The following KIAA1549L variants were observed in gnomAD, a reference collection of about 807,000 sequenced individuals.
KIAA1549L encodes the protein KIAA1549 like, also known as UPF0606 protein KIAA1549L.
KIAA1549L carries 88 observed loss-of-function variants against 160.7 expected under a neutral mutation model. The observed-to-expected ratio is 0.55, with a 90% confidence interval of 0.46 to 0.65. The LOEUF is 0.65. Among genes scored for constraint, KIAA1549L ranks in the 30% least tolerant of loss-of-function variants. KIAA1549L has a pLI of 0.00. For missense variants in KIAA1549L, 2,258 were observed against 2,437.5 expected, an observed-to-expected ratio of 0.93 and a Z score of 1.55; for synonymous variants, 950 against 976.7, an observed-to-expected ratio of 0.97 and a Z score of 0.51.
chr11:33,411,269 A>C (rs549629593), intron 1 of KIAA1549L, among the ~76,000 whole-genome samples: 4 of 152,218 alleles, frequency 2.6e-5, no homozygotes, highest in East Asian at 3.9e-4. Flanking sequence ...ATTGGTTTTG[A>C]AATATCTCTT....
At chr11:33,475,712 T>G (rs1204644207) in intron 1 of KIAA1549L, among the ~76,000 whole-genome samples, 1 of 146,528 alleles carries the variant, frequency 6.8e-6, no homozygotes, top group South Asian at 2.1e-4. Context: ...AAAAAAAAAT[T>G]AGCTAGACGT....
intron 1 of KIAA1549L, among the ~76,000 whole-genome samples, chr11:33,402,809 C>T (rs1850529461): frequency 6.6e-6 from 1 of 150,788 alleles, no homozygotes; most frequent in South Asian, 2.1e-4. Flanking sequence ...TCACTCCTGC[C>T]ACCCCCCCTA....
chr11:33,378,026 G>A lies in KIAA1549L; in HGVS notation c.238+1137G>A, dbSNP rs564787807. On this transcript the variant is annotated intron_variant, in intron 1 of 20. Coordinates refer to ENST00000658780, the MANE Select transcript of KIAA1549L (RefSeq NM_012194.3). ...AAAGTTCAGGAATCTTTGGATGTGT[G>A]CCTCAGACTTGAGAAAAACCTCTGA... 2.2e-4 allele frequency among the ~76,000 whole-genome samples: 33 copies of A among 152,312 alleles called. 1 individual carries two copies. The highest frequency in any genetic ancestry group is 7.2e-4 in the African/African-American group (30 of 41,564).
intron 16 of KIAA1549L, among the ~76,000 whole-genome samples, chr11:33,623,468 G>A (rs1387666521): frequency 6.6e-6 from 1 of 152,136 alleles, no homozygotes; most frequent in Non-Finnish European, 1.5e-5. Flanking sequence ...ACCCTGGCTT[G>A]ATATGTTATC....
intron 1 of KIAA1549L, among the ~76,000 whole-genome samples, chr11:33,401,541 T>C (rs1371692485): frequency 1.3e-5 from 2 of 151,684 alleles, no homozygotes; most frequent in Non-Finnish European, 2.9e-5. Context: ...ACTCCTTAAA[T>C]GTGGGTGTGC....
intron 1 of KIAA1549L, among the ~76,000 whole-genome samples, chr11:33,509,062 C>T (rs1853162913): frequency 6.6e-6 from 1 of 152,142 alleles, no homozygotes; most frequent in Non-Finnish European, 1.5e-5. Context: ...GTGACCTTGA[C>T]ATCCTAATAA....
chr11:33,465,179 C>G (rs111239045), intron 1 of KIAA1549L, among the ~76,000 whole-genome samples: 3,438 of 151,764 alleles, frequency 0.023, 120 homozygotes, highest in African/African-American at 0.078. Context: ...CCTCAGCCTC[C>G]CAAGTAGCTG....
At chr11:33,613,641 C>T (rs1850704802) in intron 15 of KIAA1549L, among the ~76,000 whole-genome samples, 1 of 152,106 alleles carries the variant, frequency 6.6e-6, no homozygotes. Context: ...AGGGATCCAC[C>T]CCCATGATCC....
intron 1 of KIAA1549L, among the ~76,000 whole-genome samples, chr11:33,455,450 C>T (rs1851803589): frequency 6.6e-6 from 1 of 152,114 alleles, no homozygotes; most frequent in East Asian, 1.9e-4. Flanking sequence ...AGACAAGATT[C>T]CTGGGGGCTG....
intron 15 of KIAA1549L, among the ~76,000 whole-genome samples, chr11:33,610,305 G>T (rs1370295949): frequency 6.6e-6 from 1 of 152,162 alleles, no homozygotes; most frequent in Admixed American, 6.5e-5. Flanking sequence ...ACATTGTATT[G>T]TTCAATTGTT....
chr11:33,435,678 GTAT>G (rs1851337327), intron 1 of KIAA1549L, among the ~76,000 whole-genome samples: 1 of 146,386 alleles, frequency 6.8e-6, no homozygotes, highest in Admixed American at 6.9e-5. Context: ...TCAGTCCTGA[GTAT>G]TATCTAATTT....
intron 16 of KIAA1549L, among the ~76,000 whole-genome samples, chr11:33,626,235 C>G (rs1564930085): frequency 7.1e-6 from 1 of 141,200 alleles, no homozygotes; most frequent in African/African-American, 2.8e-5. Flanking sequence ...ATTGACTTGG[C>G]AATGCGGGCT....
rs563018172 is a variant in KIAA1549L, at chr11:33,668,354, G to GGTCAA, written c.*204_*208dup. 719 of 606,262 alleles carry GGTCAA rather than the reference G, an allele frequency of 1.2e-3. 1 individual carries two copies. Among genetic ancestry groups the GGTCAA allele is most frequent in the Non-Finnish European group, 1.8e-3 (635 of 346,918 alleles). The allele number at this position is 606,262 out of a possible 1,614,324, so 37.6% of individuals were successfully genotyped here. On this transcript the variant is annotated 3_prime_UTR_variant, in exon 21 of 21. Transcript: ENST00000658780. ...TTCTTGGCTCATCCAACTGATTGTG[G>GGTCAA]GTCAAGTCCCTGGCTTGGGGCCTTA...
chr11:33,576,488 C>T (rs900101062), intron 10 of KIAA1549L, among the ~76,000 whole-genome samples: 6 of 152,154 alleles, frequency 3.9e-5, no homozygotes, highest in African/African-American at 7.2e-5. Context: ...TCTGTTTTGC[C>T]GCATCCTCTT....
intron 1 of KIAA1549L, among the ~76,000 whole-genome samples, chr11:33,466,780 A>G (rs1474923989): frequency 6.6e-6 from 1 of 152,212 alleles, no homozygotes; most frequent in African/African-American, 2.4e-5. Flanking sequence ...ATGGAATACT[A>G]TGCAGCCATA....
chr11:33,449,213 T>C (rs1851673661), intron 1 of KIAA1549L, among the ~76,000 whole-genome samples: 1 of 152,198 alleles, frequency 6.6e-6, no homozygotes, highest in Non-Finnish European at 1.5e-5. Context: ...CAAGAAACTT[T>C]TTGGAAAATT....
At chr11:33,482,569 C>CTTT (rs397849730) in intron 1 of KIAA1549L, among the ~76,000 whole-genome samples, 18 of 130,504 alleles carry the variant, frequency 1.4e-4, no homozygotes, top group African/African-American at 2.9e-4. Context: ...ATATGCTATA[C>CTTT]TTTTTTTTTT....
intron 1 of KIAA1549L, among the ~76,000 whole-genome samples, chr11:33,479,478 A>T (rs911423075): frequency 6.6e-6 from 1 of 152,242 alleles, no homozygotes; most frequent in Non-Finnish European, 1.5e-5. Context: ...AGTGGGCAGG[A>T]GGTCTGGGCT....
At chr11:33,379,846 C>T (rs16924246) in intron 1 of KIAA1549L, among the ~76,000 whole-genome samples, 17,663 of 152,178 alleles carry the variant, frequency 0.12, 1,740 homozygotes, top group African/African-American at 0.27. Flanking sequence ...ATGGCAGAAA[C>T]GATGGAATGT....
Sources: gnomAD v4.1 joint callset for allele counts (sites outside exome capture counted in the v4.1 genomes callset) on GRCh38, gnomAD v4.1.1 for gene constraint, MANE v1.5 for transcripts, NCBI Gene and HGNC (gene_info 2026-07-23, HGNC 2026-07-21) for gene names.